The following ATG4A variants were observed in gnomAD, a reference collection of about 807,000 sequenced individuals.
The protein encoded by ATG4A is cysteine protease ATG4A.
In ATG4A, 22 loss-of-function variants were observed where a neutral mutation model predicts 38.4. That is an observed-to-expected ratio of 0.57 (90% CI 0.41 to 0.82). The LOEUF is 0.82. Among genes scored for constraint, ATG4A ranks in the 40% least tolerant of loss-of-function variants. ATG4A has a pLI of 0.00. For synonymous variants in ATG4A, 86 were observed against 100.7 expected (o/e 0.85, Z 0.88); for missense variants, 220 against 290.0 (o/e 0.76, Z 1.75).
chrX:108,108,840 A>G (rs955452398), intron 1 of ATG4A, among the ~76,000 whole-genome samples: 6 of 112,031 alleles, frequency 5.4e-5, no homozygotes, highest in Non-Finnish European at 1.1e-4. Context: ...TAGATACCTC[A>G]TATAAGTGGA....
At chrX:108,135,050 G>A (rs753984927) in intron 6 of ATG4A, among the ~76,000 whole-genome samples, 3 of 111,828 alleles carry the variant, frequency 2.7e-5, no homozygotes, top group Non-Finnish European at 5.6e-5. Context: ...ACAGCAAGAG[G>A]CAAGGTGGAG....
chrX:108,093,437 A>G (rs769084075), intron 1 of ATG4A, among the ~76,000 whole-genome samples: 1 of 112,019 alleles, frequency 8.9e-6, no homozygotes, highest in South Asian at 3.7e-4. Flanking sequence ...CATTTTATGG[A>G]TATAACACAT....
intron 9 of ATG4A, among the ~76,000 whole-genome samples, chrX:108,146,136 C>T (rs956256422): frequency 7.2e-5 from 8 of 111,587 alleles, no homozygotes; most frequent in African/African-American, 2.6e-4. Context: ...ATAGTGAGGT[C>T]CTTCCTCAAG....
At chrX:108,152,000 T>C in intron 11 of ATG4A, 142 bp downstream of exon 11, 1 of 582,442 alleles carries the variant, frequency 1.7e-6, no homozygotes, top group Non-Finnish European at 2.6e-6. Flanking sequence ...ACAAAGAAAC[T>C]ATCAGGTGTG....
intron 4 of ATG4A, among the ~76,000 whole-genome samples, chrX:108,132,151 G>A (rs764500227): frequency 4.5e-5 from 5 of 111,559 alleles, no homozygotes; most frequent in African/African-American, 6.5e-5. Flanking sequence ...CACCCGCCTC[G>A]GCCTCCCAAA....
At chrX:108,149,129 C>G (rs1381852637) in intron 9 of ATG4A, among the ~76,000 whole-genome samples, 2 of 113,081 alleles carry the variant, frequency 1.8e-5, no homozygotes, top group African/African-American at 6.4e-5. Flanking sequence ...TCTTTGCTGA[C>G]AGAAACATGT....
intron 1 of ATG4A, among the ~76,000 whole-genome samples, chrX:108,122,997 A>G (rs1432737593): frequency 8.9e-6 from 1 of 112,230 alleles, no homozygotes; most frequent in Non-Finnish European, 1.9e-5. Context: ...CAAAGGCAGA[A>G]GACATTGTGT....
At chrX:108,121,765 C>T (rs983474862) in intron 1 of ATG4A, among the ~76,000 whole-genome samples, 7 of 112,149 alleles carry the variant, frequency 6.2e-5, no homozygotes, top group African/African-American at 3.2e-5. Flanking sequence ...GACCTAGCCT[C>T]TCCACTAAAA....
intron 1 of ATG4A, among the ~76,000 whole-genome samples, chrX:108,096,185 CTT>C (rs1208111757): frequency 8.9e-6 from 1 of 112,207 alleles, no homozygotes; most frequent in African/African-American, 3.2e-5. Flanking sequence ...GTCAAAATGA[CTT>C]TACTACAGTT....
chrX:108,127,701 G>A (rs1435269143), intron 2 of ATG4A, among the ~76,000 whole-genome samples: 2 of 112,253 alleles, frequency 1.8e-5, no homozygotes, highest in African/African-American at 6.5e-5. Flanking sequence ...CCAAAGAAAA[G>A]GAAGACAGAA....
At chrX:108,100,242 G>T (rs1231821565) in intron 1 of ATG4A, among the ~76,000 whole-genome samples, 2 of 111,178 alleles carry the variant, frequency 1.8e-5, no homozygotes, top group Non-Finnish European at 3.8e-5. Context: ...TTGAATTTTG[G>T]TTTCCATGTA....
chrX:108,151,805 T>G lies in ATG4A; in HGVS notation c.964T>G (p.Phe322Val). 8.3e-7 allele frequency: 1 copy of G among 1,207,929 alleles called. No individual in the cohort carries two copies. Among genetic ancestry groups the G allele is most frequent in the South Asian group, 1.8e-5 (1 of 56,232 alleles). Reference protein sequence around the residue: ...LNLDPSVALGFFCKEEKDFDN... With the variant: ...LNLDPSVALGVFCKEEKDFDN... ...TGTTCTTTTGCTTTCCCCCAAGGGA[T>G]TTTTCTGCAAAGAAGAAAAAGACTT... The change falls in exon 11 of 13, where the codon TTT becomes GTT. Residue 322 changes from phenylalanine to valine, a missense_variant. Transcript: ENST00000372232.
intron 1 of ATG4A, among the ~76,000 whole-genome samples, chrX:108,101,567 A>AT (rs969125165): frequency 3.5e-4 from 38 of 109,139 alleles, no homozygotes; most frequent in African/African-American, 1.1e-3. Flanking sequence ...CATGTCATGT[A>AT]TTTTTTTTAT....
Position 108,118,991 on chromosome X carries a change from G to C in ATG4A, c.11-7086G>C, listed in dbSNP as rs150800287. On this transcript the variant is annotated intron_variant, in intron 1 of 12. Coordinates refer to ENST00000372232, the MANE Select transcript of ATG4A (RefSeq NM_052936.5). ...GAATGTTTATGAGGATGCTTCCTTT[G>C]TATTCCTCATAGAACCAAGTTTGGA... is the stretch of plus-strand genomic sequence containing the variant. 5.6e-3 allele frequency among the ~76,000 whole-genome samples: 628 copies of C among 111,731 alleles called. 6 individuals carry two copies. Among genetic ancestry groups the C allele is most frequent in the African/African-American group, 0.019 (591 of 30,716 alleles).
At position 108,134,052 on chromosome X, in the gene ATG4A, A is replaced by C. The variant is rs1165157284; in HGVS notation, c.293-5A>C. On this transcript the variant is annotated splice_polypyrimidine_tract_variant and splice_region_variant and intron_variant, in intron 4 of 12. Coordinates refer to ENST00000372232, the MANE Select transcript of ATG4A (RefSeq NM_052936.5). ...GTTTCTAACCCATTTTTTTTTCTTAAAAAGACTGGAGCTGGGAGAAACAAA... is the reference window on the plus strand; with the variant it reads ...GTTTCTAACCCATTTTTTTTTCTTACAAAGACTGGAGCTGGGAGAAACAAA... The C allele has an allele frequency of 5.1e-6, 6 of 1,184,980 alleles. No homozygotes were observed. The highest frequency in any genetic ancestry group is 5.6e-6 in the Non-Finnish European group (5 of 885,026).
At chrX:108,142,676 G>T (rs967777552) in intron 9 of ATG4A, among the ~76,000 whole-genome samples, 1 of 110,884 alleles carries the variant, frequency 9.0e-6, no homozygotes, top group African/African-American at 3.3e-5. Flanking sequence ...GAAGCATCCA[G>T]CATGGAGAAA....
intron 9 of ATG4A, among the ~76,000 whole-genome samples, chrX:108,145,350 G>A (rs113420967): frequency 0.051 from 5,784 of 112,381 alleles, 399 homozygotes; most frequent in African/African-American, 0.18. Context: ...ATATATTGCT[G>A]GCCTTGCCGG....
At chrX:108,088,954 GAGCACTGGATCCTC>G, upstream of ATG4A, 1 of 589,237 alleles carries the variant, frequency 1.7e-6, no homozygotes, top group Admixed American at 3.1e-5. Flanking sequence ...ACGAAATGCA[GAGCACTGGATCCTC>G]AGGTAGGTAA....
intron 1 of ATG4A, among the ~76,000 whole-genome samples, chrX:108,115,243 A>G (rs1050927143): frequency 9.0e-6 from 1 of 110,608 alleles, no homozygotes; most frequent in East Asian, 2.8e-4. Flanking sequence ...TATACCAGAA[A>G]TAAATCTAGT....
Sources: gnomAD v4.1 joint callset for allele counts (sites outside exome capture counted in the v4.1 genomes callset) on GRCh38, gnomAD v4.1.1 for gene constraint, MANE v1.5 for transcripts, NCBI Gene and HGNC (gene_info 2026-07-23, HGNC 2026-07-21) for gene names.